NBEA: variants seen among roughly 807,000 people sequenced by gnomAD.
NBEA encodes neurobeachin.
Under a neutral mutation model 343.4 loss-of-function variants are expected in NBEA, and 44 were observed. That is an observed-to-expected ratio of 0.13 (90% CI 0.10 to 0.16). NBEA has a LOEUF of 0.16. Ranked by LOEUF, NBEA falls within the 10% of genes least tolerant of loss-of-function variation. The pLI, the probability that NBEA is intolerant of heterozygous loss-of-function variation, is 1.00. For missense variants in NBEA, 2,555 were observed against 3,631.3 expected (o/e 0.70, Z 7.62); for synonymous variants, 1,175 against 1,238.7 (o/e 0.95, Z 1.08).
chr13:35,259,803 T>A (rs2152796973), intron 34 of NBEA, among the ~76,000 whole-genome samples: 1 of 152,324 alleles, frequency 6.6e-6, no homozygotes, highest in Admixed American at 6.5e-5. Flanking sequence ...TTTAGGTATG[T>A]AAGTTATTTG....
chr13:35,630,571 C>G (rs181351434), intron 49 of NBEA, among the ~76,000 whole-genome samples: 20 of 152,080 alleles, frequency 1.3e-4, no homozygotes, highest in African/African-American at 4.6e-4. Flanking sequence ...CATGCTCATT[C>G]GAAGCACATA....
rs915661495 is a variant in NBEA at position 34,943,246 on chromosome 13, G to A, written c.294+132G>A. On this transcript the variant is annotated intron_variant, in intron 1 of 58. Coordinates refer to ENST00000379939, the MANE Select transcript of NBEA (RefSeq NM_001385012.1). Reference sequence around the variant, plus strand: ...CCCTGGGAGCGCAGAGCGTTCAGCCGGTATTGCCCAGCGGGTGACCTGCCT... The same window carrying A: ...CCCTGGGAGCGCAGAGCGTTCAGCCAGTATTGCCCAGCGGGTGACCTGCCT... The A allele has an allele frequency of 1.7e-5, 21 of 1,235,422 alleles. No homozygotes were observed. The Admixed American group carries it at 2.0e-4, about 12-fold the overall frequency. 76.5% of individuals were successfully genotyped at this position (1,235,422 alleles called of 1,614,324 possible).
chr13:35,143,910 A>C (rs1052118937), intron 18 of NBEA, among the ~76,000 whole-genome samples: 12 of 151,508 alleles, frequency 7.9e-5, no homozygotes, highest in African/African-American at 2.4e-4. Context: ...AAACAAAAAA[A>C]AAAACAAAAA....
At chr13:35,044,872 C>A in intron 2 of NBEA, 75 bp from the exon 3 acceptor site, 4 of 1,071,296 alleles carry the variant, frequency 3.7e-6, no homozygotes, top group Non-Finnish European at 4.0e-6. Flanking sequence ...TAACTTTTTT[C>A]TTTCAAAAAG....
At chr13:35,220,581 G>C (rs2074307872) in intron 33 of NBEA, among the ~76,000 whole-genome samples, 1 of 151,906 alleles carries the variant, frequency 6.6e-6, no homozygotes, top group African/African-American at 2.4e-5. Flanking sequence ...TATTTTATAG[G>C]TTAATTCCTA....
At chr13:35,416,426 C>A (rs1461132542) in intron 38 of NBEA, among the ~76,000 whole-genome samples, 4 of 152,084 alleles carry the variant, frequency 2.6e-5, no homozygotes, top group African/African-American at 9.7e-5. Flanking sequence ...CCCATCAATA[C>A]CTACTTTAGT....
chr13:35,484,329 T>A (rs2076235363), intron 41 of NBEA, among the ~76,000 whole-genome samples: 1 of 151,552 alleles, frequency 6.6e-6, no homozygotes, highest in African/African-American at 2.4e-5. Flanking sequence ...TTTTTTACTT[T>A]TTTGCAACAG....
Position 35,671,313 on chromosome 13 carries a change from A to G in NBEA, c.*322A>G, listed in dbSNP as rs2085605176. On this transcript the variant is annotated 3_prime_UTR_variant, in exon 59 of 59. Transcript: ENST00000379939. ...AAGAGACTTTTGACAATTCTGAGGAACCTTGTGTCCAGTTGTTACAAAGTT... is the reference window on the plus strand; with the variant it reads ...AAGAGACTTTTGACAATTCTGAGGAGCCTTGTGTCCAGTTGTTACAAAGTT... 5.1e-6 allele frequency: 1 copy of G among 195,238 alleles called. No individual in the cohort carries two copies. Among genetic ancestry groups the G allele is most frequent in the African/African-American group, 2.3e-5 (1 of 43,268 alleles). The allele number at this position is 195,238 out of a possible 1,614,324, so 12.1% of individuals were successfully genotyped here.
chr13:35,579,029 G>T (rs781350839), intron 45 of NBEA, among the ~76,000 whole-genome samples: 2 of 151,928 alleles, frequency 1.3e-5, no homozygotes, highest in Admixed American at 1.3e-4. Context: ...GCATGCAAAA[G>T]GTTTTGGAAT....
intron 45 of NBEA, among the ~76,000 whole-genome samples, chr13:35,575,062 A>T (rs931848712): frequency 6.6e-6 from 1 of 152,234 alleles, no homozygotes; most frequent in African/African-American, 2.4e-5. Context: ...TTTGCTAATC[A>T]AATTGCAACT....
intron 41 of NBEA, among the ~76,000 whole-genome samples, chr13:35,527,194 C>T (rs977637924): frequency 6.6e-6 from 1 of 152,122 alleles, no homozygotes; most frequent in African/African-American, 2.4e-5. Flanking sequence ...ATTTTATGGG[C>T]TCAGACGGGA....
intron 30 of NBEA, chr13:35,186,113 G>T (rs1039886729): frequency 2.0e-5 from 3 of 152,098 alleles, no homozygotes; most frequent in African/African-American, 7.2e-5. Context: ...AGACCAGCCT[G>T]GGCAATGTAG....
chr13:35,445,183 G>A (rs900890961), intron 39 of NBEA, among the ~76,000 whole-genome samples: 3 of 152,048 alleles, frequency 2.0e-5, no homozygotes, highest in Non-Finnish European at 4.4e-5. Flanking sequence ...TTAATCCTCA[G>A]ATAAGCCAGC....
chr13:35,452,518 G>A (rs545275305), intron 40 of NBEA, among the ~76,000 whole-genome samples: 7 of 152,122 alleles, frequency 4.6e-5, no homozygotes, highest in South Asian at 2.1e-4. Flanking sequence ...CACATCTTAC[G>A]GCCTATATTA....
At position 35,572,001 on chromosome 13, in the gene NBEA, AC is replaced by A. The variant is rs1391730809; in HGVS notation, c.7035+4985del. On this transcript the variant is annotated intron_variant, in intron 45 of 58. Transcript: ENST00000379939. ...TTTTTTAGACCTCTCATTTGATTAG[AC>A]ATCACAGGTTCAAGTTTTATTTATT... Among the ~76,000 whole-genome samples the A allele has an allele frequency of 2.6e-5, 4 of 152,250 alleles. No individual in the cohort carries two copies. In the East Asian group the frequency reaches 7.7e-4, roughly 29 times the overall value.
intron 38 of NBEA, among the ~76,000 whole-genome samples, chr13:35,371,526 T>C (rs2041433343): frequency 6.6e-6 from 1 of 152,128 alleles, no homozygotes; most frequent in Non-Finnish European, 1.5e-5. Context: ...TTTTGTGATT[T>C]ATTTGTATTA....
At chr13:35,450,988 G>A (rs1165551635) in intron 39 of NBEA, among the ~76,000 whole-genome samples, 1 of 152,170 alleles carries the variant, frequency 6.6e-6, no homozygotes, top group Non-Finnish European at 1.5e-5. Context: ...CATTTATTAA[G>A]CAGTCAAATT....
At chr13:35,540,240 AAAAT>A (rs1302385554) in intron 41 of NBEA, among the ~76,000 whole-genome samples, 19 of 152,102 alleles carry the variant, frequency 1.2e-4, no homozygotes, top group Admixed American at 1.0e-3. Context: ...GAAACAGAAG[AAAAT>A]AAATAAGTCT....
intron 18 of NBEA, among the ~76,000 whole-genome samples, chr13:35,150,831 G>GA (rs1555320215): frequency 1.5e-4 from 23 of 151,722 alleles, no homozygotes; most frequent in African/African-American, 5.6e-4. Context: ...GAGTAGAGTA[G>GA]GAGGCCAGGC....
Sources: allele counts gnomAD v4.1 joint callset (sites outside exome capture counted in the v4.1 genomes callset), GRCh38; gene constraint gnomAD v4.1.1; transcripts MANE v1.5; gene names NCBI Gene and HGNC (gene_info 2026-07-23, HGNC 2026-07-21).